Variants in RNLS observed in about 807,000 individuals in gnomAD.
The protein encoded by RNLS is renalase, FAD dependent amine oxidase.
A neutral mutation model predicts 39.8 loss-of-function variants in RNLS; 39 were observed. That is an observed-to-expected ratio of 0.98 (90% confidence interval 0.76 to 1.28). RNLS has a LOEUF of 1.28. Ranked by LOEUF, RNLS falls within the 50% of genes most tolerant of loss-of-function variation. The pLI is 0.00. For synonymous variants in RNLS, 147 were observed against 150.7 expected (o/e 0.98, Z 0.18); for missense variants, 410 against 413.3 (o/e 0.99, Z 0.07).
At chr10:88,465,045 C>G (rs1843125677) in intron 4 of RNLS, among the ~76,000 whole-genome samples, 1 of 152,032 alleles carries the variant, frequency 6.6e-6, no homozygotes, top group Non-Finnish European at 1.5e-5. Context: ...AATGGCAGTG[C>G]TCACGATATA....
chr10:88,263,159 A>G, the RNLS span, among the ~76,000 whole-genome samples: 4 of 152,138 alleles, frequency 2.6e-5, no homozygotes, highest in African/African-American at 9.7e-5. Flanking sequence ...AGATGTTGAA[A>G]GAGAGGTAAA....
chr10:88,521,301 T>C (rs567092248), intron 4 of RNLS, among the ~76,000 whole-genome samples: 1 of 152,190 alleles, frequency 6.6e-6, no homozygotes, highest in South Asian at 2.1e-4. Context: ...ATTGATTGGA[T>C]GATTGGAGCA....
chr10:88,231,514 C>T, the RNLS span, among the ~76,000 whole-genome samples: 1 of 152,152 alleles, frequency 6.6e-6, no homozygotes, highest in Non-Finnish European at 1.5e-5. Flanking sequence ...CCTCAGTCAC[C>T]TCATCTGTAA....
rs1260495074 is a variant in RNLS, at chr10:88,573,189, A to C, written c.368-128T>G. On this transcript the variant is annotated intron_variant, in intron 3 of 6. Coordinates refer to ENST00000331772, the MANE Select transcript of RNLS (RefSeq NM_001031709.3). ...CCAAGACTGTCTTCTACTGTCCTCC[A>C]GCTCTCTTCCTTTACTTTCTTTCTA... is the stretch of plus-strand genomic sequence containing the variant. 9.0e-6 allele frequency: 7 copies of C among 775,098 alleles called. No individual in the cohort carries two copies. In the African/African-American group the frequency reaches 1.1e-4, roughly 12 times the overall value. The allele number at this position is 775,098 out of a possible 1,614,324, so 48.0% of individuals were successfully genotyped here. A position where few individuals can be genotyped will look rare whatever the true frequency, so the allele number is the denominator to read the frequency against.
the RNLS span, among the ~76,000 whole-genome samples, chr10:88,242,666 G>A: frequency 6.6e-6 from 1 of 152,268 alleles, no homozygotes; most frequent in South Asian, 2.1e-4. Flanking sequence ...AAACCATAAG[G>A]GAGGCTGGGC....
intron 5 of RNLS, among the ~76,000 whole-genome samples, chr10:88,320,177 A>G (rs968235093): frequency 2.0e-5 from 3 of 152,026 alleles, no homozygotes; most frequent in African/African-American, 4.8e-5. Flanking sequence ...TCAGCCAAGA[A>G]TTTTATACCC....
chr10:88,218,768 C>T, the RNLS span, among the ~76,000 whole-genome samples: 22 of 152,204 alleles, frequency 1.4e-4, 1 homozygote, highest in Non-Finnish European at 2.9e-5. Flanking sequence ...TGAGCTCTGT[C>T]TCAAAAGTCA....
At chr10:88,206,567 C>G in the RNLS span, among the ~76,000 whole-genome samples, 9 of 152,244 alleles carry the variant, frequency 5.9e-5, no homozygotes, top group Non-Finnish European at 7.4e-5. Flanking sequence ...CACCTGAAAG[C>G]AAAATGTAAA....
chr10:88,333,955 A>T (rs1288153918), intron 5 of RNLS, among the ~76,000 whole-genome samples: 1 of 152,138 alleles, frequency 6.6e-6, no homozygotes, highest in Non-Finnish European at 1.5e-5. Context: ...TGAATTTCCC[A>T]GTCTCCAGAG....
At chr10:88,539,157 A>G (rs181703675) in intron 4 of RNLS, among the ~76,000 whole-genome samples, 2 of 152,306 alleles carry the variant, frequency 1.3e-5, no homozygotes, top group Admixed American at 1.3e-4. Context: ...AAAGACCTTC[A>G]GAATAGCAGT....
At chr10:88,458,537 G>C (rs1485883171) in intron 4 of RNLS, among the ~76,000 whole-genome samples, 1 of 152,118 alleles carries the variant, frequency 6.6e-6, no homozygotes, top group Non-Finnish European at 1.5e-5. Context: ...ATTCTTACTG[G>C]CATTTGTGGT....
chr10:88,272,218 T>C (rs1470394745), downstream of RNLS, among the ~76,000 whole-genome samples: 1 of 152,214 alleles, frequency 6.6e-6, no homozygotes, highest in Admixed American at 6.5e-5. Flanking sequence ...GTTTTCCATC[T>C]GAAACCCAGT....
chr10:88,413,914 C>T (rs1589751699), intron 4 of RNLS, among the ~76,000 whole-genome samples: 1 of 152,048 alleles, frequency 6.6e-6, no homozygotes, highest in African/African-American at 2.4e-5. Context: ...TTATTTTGTT[C>T]CTCTAATTTT....
At chr10:88,544,823 T>C (rs1848217938) in intron 4 of RNLS, among the ~76,000 whole-genome samples, 1 of 152,184 alleles carries the variant, frequency 6.6e-6, no homozygotes, top group African/African-American at 2.4e-5. Flanking sequence ...GTGGGAAATA[T>C]GACTATGGAA....
At chr10:88,420,263 C>T (rs943788048) in intron 4 of RNLS, among the ~76,000 whole-genome samples, 1 of 151,860 alleles carries the variant, frequency 6.6e-6, no homozygotes, top group Non-Finnish European at 1.5e-5. Context: ...TTTTTGGTCA[C>T]CAGAGTGCCA....
chr10:88,252,572 T>C, the RNLS span, among the ~76,000 whole-genome samples: 1 of 152,220 alleles, frequency 6.6e-6, no homozygotes, highest in Non-Finnish European at 1.5e-5. Flanking sequence ...TTTAGGACTC[T>C]GCAGTACTAT....
intron 4 of RNLS, among the ~76,000 whole-genome samples, chr10:88,446,648 C>A (rs1428712533): frequency 1.3e-5 from 2 of 152,156 alleles, no homozygotes; most frequent in Non-Finnish European, 2.9e-5. Context: ...ACCGATCCCA[C>A]AGAAATGCAA....
intron 4 of RNLS, among the ~76,000 whole-genome samples, chr10:88,460,631 A>G (rs572215544): frequency 3.3e-5 from 5 of 152,278 alleles, no homozygotes; most frequent in African/African-American, 1.2e-4. Context: ...TTCTATGCCT[A>G]CTACAGTGCC....
chr10:88,336,662 T>A (rs967438125), intron 5 of RNLS, among the ~76,000 whole-genome samples: 5 of 152,222 alleles, frequency 3.3e-5, no homozygotes, highest in African/African-American at 1.2e-4. Flanking sequence ...GTGTGTTCTG[T>A]CTTCGTCAGC....
Sources: gnomAD v4.1 joint callset for allele counts (sites outside exome capture counted in the v4.1 genomes callset) on GRCh38, gnomAD v4.1.1 for gene constraint, MANE v1.5 for transcripts, NCBI Gene and HGNC (gene_info 2026-07-23, HGNC 2026-07-21) for gene names.